Variants in STX18 observed in about 807,000 individuals in gnomAD.
STX18 encodes the protein syntaxin 18.
In STX18, 40 loss-of-function variants were observed where a neutral mutation model predicts 50.1. The ratio of observed to expected loss-of-function variants is 0.80; its 90% CI spans 0.62 to 1.04. The LOEUF (loss-of-function observed/expected upper bound fraction) is 1.04, where lower values mean the gene tolerates loss of function less well. Among genes scored for constraint, STX18 ranks in the 50% least tolerant of loss-of-function variants. The pLI is 0.00. For synonymous variants in STX18, 158 were observed against 151.8 expected, an observed-to-expected ratio of 1.04 and a Z score of -0.30; for missense variants, 410 against 415.8, an observed-to-expected ratio of 0.99 and a Z score of 0.12.
chr4:4,468,402 G>A (rs1401241996), intron 2 of STX18, among the ~76,000 whole-genome samples: 3 of 152,070 alleles, frequency 2.0e-5, no homozygotes, highest in Admixed American at 1.3e-4. Context: ...ACCTCAAGGC[G>A]GGTAGTCTAC....
At chr4:4,503,987 G>A (rs1358628708) in intron 1 of STX18, among the ~76,000 whole-genome samples, 2 of 152,052 alleles carry the variant, frequency 1.3e-5, no homozygotes, top group Admixed American at 6.5e-5. Context: ...CGGTTACTCA[G>A]TTTTTTTCAA....
At chr4:4,507,651 G>T in intron 1 of STX18, 1 of 779,924 alleles carries the variant, frequency 1.3e-6, no homozygotes, top group Non-Finnish European at 2.4e-6. Flanking sequence ...CTGGATGGCA[G>T]CCGGCTCATA....
At chr4:4,495,796 T>C (rs896642108) in intron 1 of STX18, among the ~76,000 whole-genome samples, 2 of 152,170 alleles carry the variant, frequency 1.3e-5, no homozygotes, top group African/African-American at 4.8e-5. Flanking sequence ...GGCAAATGAA[T>C]TTTGTTGAGT....
chr4:4,433,716 T>C (rs1219924888), intron 7 of STX18, among the ~76,000 whole-genome samples: 1 of 152,100 alleles, frequency 6.6e-6, no homozygotes, highest in African/African-American at 2.4e-5. Flanking sequence ...AAAAAATACC[T>C]GAGACCTGTA....
chr4:4,488,095 T>C (rs995389324), intron 1 of STX18, among the ~76,000 whole-genome samples: 2 of 152,186 alleles, frequency 1.3e-5, no homozygotes, highest in Non-Finnish European at 1.5e-5. Flanking sequence ...AAAAGGCATA[T>C]AGTCTCTATG....
At chr4:4,443,017 T>C (rs1167668228) in intron 5 of STX18, among the ~76,000 whole-genome samples, 1 of 152,136 alleles carries the variant, frequency 6.6e-6, no homozygotes, top group Non-Finnish European at 1.5e-5. Context: ...AATACCCAAA[T>C]GTGAAGACAT....
intron 1 of STX18, among the ~76,000 whole-genome samples, chr4:4,501,071 T>A (rs1017437041): frequency 1.3e-5 from 2 of 152,172 alleles, no homozygotes; most frequent in African/African-American, 4.8e-5. Flanking sequence ...AAATTTACCA[T>A]AATGTAACAA....
upstream of STX18, chr4:4,542,112 C>G: frequency 9.5e-7 from 1 of 1,055,342 alleles, no homozygotes; most frequent in Non-Finnish European, 1.3e-6. Flanking sequence ...CGGCCTGCGC[C>G]CTGCTACCGC....
intron 1 of STX18, among the ~76,000 whole-genome samples, chr4:4,488,206 C>A (rs1489900841): frequency 1.3e-5 from 2 of 151,946 alleles, no homozygotes; most frequent in Admixed American, 6.6e-5. Context: ...TTTGTGGCAA[C>A]AAACAGGTTC....
At chr4:4,422,473 G>T (rs1319760420) in intron 9 of STX18, among the ~76,000 whole-genome samples, 1 of 151,556 alleles carries the variant, frequency 6.6e-6, no homozygotes, top group Non-Finnish European at 1.5e-5. Context: ...GCTGACTGAG[G>T]CAGGAGAATC....
intron 1 of STX18, among the ~76,000 whole-genome samples, chr4:4,483,861 ATTT>A (rs149430155): frequency 6.6e-6 from 1 of 150,658 alleles, no homozygotes; most frequent in East Asian, 1.9e-4. Context: ...CCTCTCAGGA[ATTT>A]TTTTTTTCCT....
intron 1 of STX18, among the ~76,000 whole-genome samples, chr4:4,492,347 T>C (rs992059016): frequency 6.6e-6 from 1 of 152,264 alleles, no homozygotes; most frequent in Non-Finnish European, 1.5e-5. Context: ...GCACATTTAA[T>C]TGACTTTTGA....
intron 2 of STX18, among the ~76,000 whole-genome samples, chr4:4,466,617 G>T (rs1419495528): frequency 6.6e-6 from 1 of 152,196 alleles, no homozygotes; most frequent in East Asian, 1.9e-4. Context: ...GATGGGAGGA[G>T]CGGGCAGCAT....
intron 7 of STX18, among the ~76,000 whole-genome samples, chr4:4,431,966 T>C (rs1037480224): frequency 6.6e-6 from 1 of 152,180 alleles, no homozygotes. Flanking sequence ...AGGTCCCACA[T>C]TTGCTGGATT....
At chr4:4,446,972 G>A (rs899642442) in intron 5 of STX18, among the ~76,000 whole-genome samples, 2 of 152,168 alleles carry the variant, frequency 1.3e-5, no homozygotes, top group African/African-American at 2.4e-5. Context: ...GAAGAACATA[G>A]CAAGGGTAAG....
chr4:4,505,546 G>A lies in STX18; in HGVS notation c.169-33840C>T, dbSNP rs148816038. On this transcript the variant is annotated intron_variant, in intron 1 of 10. Coordinates refer to ENST00000306200, the MANE Select transcript of STX18 (RefSeq NM_016930.4). ...TGCAATCCCAGCACTCTGGGAGGCC[G>A]AGGCAGGCGGATCACTTGAGGCCAG... 1.4e-3 allele frequency among the ~76,000 whole-genome samples: 214 copies of A among 152,160 alleles called. 1 individual carries two copies. Among genetic ancestry groups the A allele is most frequent in the African/African-American group, 4.3e-3 (179 of 41,506 alleles).
chr4:4,436,476 T>C (rs1725781065), intron 6 of STX18, among the ~76,000 whole-genome samples: 1 of 151,966 alleles, frequency 6.6e-6, no homozygotes, highest in South Asian at 2.1e-4. Flanking sequence ...TTTACTGTTG[T>C]TGATTTCTTT....
At chr4:4,490,559 G>A (rs568848410) in intron 1 of STX18, among the ~76,000 whole-genome samples, 43 of 151,982 alleles carry the variant, frequency 2.8e-4, no homozygotes, top group Middle Eastern at 3.4e-3. Context: ...TGCTTACTTC[G>A]TAAAATGCAG....
At chr4:4,474,094 C>A (rs547103935) in intron 1 of STX18, among the ~76,000 whole-genome samples, 2 of 152,154 alleles carry the variant, frequency 1.3e-5, no homozygotes, top group Non-Finnish European at 2.9e-5. Context: ...AACGCCCTAC[C>A]CATCATTCTC....
Sources: allele counts gnomAD v4.1 joint callset (sites outside exome capture counted in the v4.1 genomes callset), GRCh38; gene constraint gnomAD v4.1.1; transcripts MANE v1.5; gene names NCBI Gene and HGNC (gene_info 2026-07-23, HGNC 2026-07-21).